The following TPTE variants were observed in gnomAD, a reference collection of about 807,000 sequenced individuals.
The protein encoded by TPTE is transmembrane phosphatase with tensin homology.
Under a neutral mutation model 84.1 loss-of-function variants are expected in TPTE, and 59 were observed. The ratio of observed to expected loss-of-function variants is 0.70; its 90% CI spans 0.57 to 0.87. The LOEUF is 0.87. Among genes scored for constraint, TPTE ranks in the 40% least tolerant of loss-of-function variants. The pLI, the probability that TPTE is intolerant of heterozygous loss-of-function variation, is 0.00. For missense variants in TPTE, 382 were observed against 659.6 expected (o/e 0.58, Z 4.61); for synonymous variants, 130 against 223.5 (o/e 0.58, Z 3.73).
At chr21:10,527,756 G>C (rs1173657337) in intron 3 of TPTE, among the ~76,000 whole-genome samples, 1 of 152,308 alleles carries the variant, frequency 6.6e-6, no homozygotes, top group Non-Finnish European at 1.5e-5. Context: ...CCCTGTATCT[G>C]TCCCTCACCC....
intron 3 of TPTE, among the ~76,000 whole-genome samples, chr21:10,529,814 T>C (rs551896403): frequency 3.9e-5 from 6 of 152,426 alleles, no homozygotes; most frequent in East Asian, 3.8e-4. Flanking sequence ...CTATTTTCAA[T>C]GTTCAGTATC....
At chr21:10,562,985 A>G (rs1176562042) in intron 10 of TPTE, among the ~76,000 whole-genome samples, 2 of 152,422 alleles carry the variant, frequency 1.3e-5, no homozygotes, top group Admixed American at 6.5e-5. Context: ...GATCAAGGAT[A>G]AAAAAAGGAT....
At chr21:10,530,374 T>C (rs2074156173) in intron 3 of TPTE, among the ~76,000 whole-genome samples, 1 of 152,308 alleles carries the variant, frequency 6.6e-6, no homozygotes, top group African/African-American at 2.4e-5. Context: ...ATACACAGTA[T>C]ATACATTTAT....
intron 17 of TPTE, among the ~76,000 whole-genome samples, chr21:10,587,487 G>A (rs1157183012): frequency 1.5e-4 from 23 of 152,256 alleles, no homozygotes; most frequent in Non-Finnish European, 2.2e-4. Flanking sequence ...TTTTGTTCCT[G>A]CATTAATTTG....
chr21:10,546,312 ATGTT>A (rs1167034526), intron 7 of TPTE, among the ~76,000 whole-genome samples: 1 of 152,308 alleles, frequency 6.6e-6, no homozygotes, highest in Non-Finnish European at 1.5e-5. Flanking sequence ...AATCAATGAC[ATGTT>A]TGTTGTGACT....
intron 8 of TPTE, among the ~76,000 whole-genome samples, chr21:10,559,045 A>G (rs2074740921): frequency 6.6e-6 from 1 of 152,310 alleles, no homozygotes. Flanking sequence ...TGACAAGAGC[A>G]TCATTTACTC....
At chr21:10,551,922 C>T (rs1473592705) in intron 7 of TPTE, among the ~76,000 whole-genome samples, 1 of 152,310 alleles carries the variant, frequency 6.6e-6, no homozygotes, top group African/African-American at 2.4e-5. Flanking sequence ...AATAAAAAGG[C>T]TTTCAACAAA....
intron 17 of TPTE, among the ~76,000 whole-genome samples, chr21:10,581,249 T>C (rs1178140334): frequency 6.6e-6 from 1 of 152,306 alleles, no homozygotes; most frequent in Non-Finnish European, 1.5e-5. Flanking sequence ...TCATTTGAAA[T>C]TGCCAGTTTT....
chr21:10,525,165 T>A (rs1421608802), intron 2 of TPTE, among the ~76,000 whole-genome samples: 21 of 152,418 alleles, frequency 1.4e-4, no homozygotes, highest in South Asian at 2.1e-4. Context: ...TGAAACATTG[T>A]TAATTATTAC....
intron 1 of TPTE, 59 bp from the exon 2 acceptor site, chr21:10,524,521 T>C (rs1231128728): frequency 6.6e-6 from 1 of 152,564 alleles, no homozygotes. Context: ...GCCATAATCT[T>C]GAAAGGCAAC....
At position 10,543,123 on chromosome 21, in the gene TPTE, G is replaced by A. The variant is rs1246236754; in HGVS notation, c.120-206G>A. On this transcript the variant is annotated intron_variant, in intron 6 of 23. Transcript: ENST00000618007. ...CGGCTCACTGCAAGCTCTGCTTCCC[G>A]GGTTCACGCCATTCTCCTGCCTCAG... 2.0e-4 allele frequency among the ~76,000 whole-genome samples: 25 copies of A among 124,054 alleles called. 2 individuals are homozygous for A. The highest frequency in any genetic ancestry group is 2.6e-4 in the South Asian group (1 of 3,892). The allele number at this position is 124,054 out of a possible 152,430, so 81.4% of individuals were successfully genotyped here.
intron 3 of TPTE, among the ~76,000 whole-genome samples, chr21:10,530,998 T>C (rs2074168000): frequency 6.6e-6 from 1 of 152,310 alleles, no homozygotes; most frequent in Non-Finnish European, 1.5e-5. Flanking sequence ...TTTCCACTAG[T>C]GTTCCTATCT....
intron 17 of TPTE, among the ~76,000 whole-genome samples, chr21:10,578,831 A>G (rs111415209): frequency 6.6e-6 from 1 of 152,430 alleles, no homozygotes; most frequent in African/African-American, 2.4e-5. Flanking sequence ...AAAAGAACTA[A>G]GGAAGGTTGA....
intron 3 of TPTE, among the ~76,000 whole-genome samples, chr21:10,537,135 G>T (rs1431497403): frequency 2.0e-5 from 3 of 152,312 alleles, no homozygotes; most frequent in African/African-American, 7.2e-5. Context: ...AATGAGATGG[G>T]GTCAAGGGGA....
At chr21:10,563,488 TAAC>T (rs1414523116) in intron 10 of TPTE, among the ~76,000 whole-genome samples, 9 of 152,302 alleles carry the variant, frequency 5.9e-5, no homozygotes, top group African/African-American at 1.4e-4. Context: ...TAAATAGAAA[TAAC>T]AAAAAGTTAA....
intron 7 of TPTE, among the ~76,000 whole-genome samples, chr21:10,545,951 CT>C (rs2074459675): frequency 6.6e-6 from 1 of 151,900 alleles, no homozygotes; most frequent in African/African-American, 2.4e-5. Context: ...TGTATATATC[CT>C]TTAGCATATA....
intron 7 of TPTE, among the ~76,000 whole-genome samples, chr21:10,546,028 G>C (rs916742364): frequency 1.3e-5 from 2 of 152,286 alleles, no homozygotes; most frequent in Non-Finnish European, 1.5e-5. Context: ...GGTATATCTT[G>C]TTTTATTGTG....
rs1600907405 is a variant in TPTE, at chr21:10,563,183, A to G, written c.446+1992A>G. On this transcript the variant is annotated intron_variant, in intron 10 of 23. Coordinates refer to ENST00000618007, the MANE Select transcript of TPTE (RefSeq NM_199261.4). Reference sequence around the variant, plus strand: ...GAAAGTATCCTTCAAAGTGAAGGGGAAATAAAGACTTTTCCACACAAAAGC... The same window carrying G: ...GAAAGTATCCTTCAAAGTGAAGGGGGAATAAAGACTTTTCCACACAAAAGC... Among the ~76,000 whole-genome samples, 4 of 152,426 alleles carry G rather than the reference A, an allele frequency of 2.6e-5. No homozygotes were observed. In the South Asian group the frequency reaches 8.3e-4, roughly 32 times the overall value.
chr21:10,526,087 T>G (rs2074073265), intron 2 of TPTE, among the ~76,000 whole-genome samples: 1 of 152,312 alleles, frequency 6.6e-6, no homozygotes, highest in Admixed American at 6.5e-5. Context: ...GTATTCTGCA[T>G]AGACAATCCA....
Sources: gnomAD v4.1 joint callset for allele counts (sites outside exome capture counted in the v4.1 genomes callset) on GRCh38, gnomAD v4.1.1 for gene constraint, MANE v1.5 for transcripts, NCBI Gene and HGNC (gene_info 2026-07-23, HGNC 2026-07-21) for gene names.